DPP10: variants seen among roughly 807,000 people sequenced by gnomAD.
DPP10 encodes dipeptidyl peptidase like 10.
Under a neutral mutation model 120.9 loss-of-function variants are expected in DPP10, and 33 were observed. The ratio of observed to expected loss-of-function variants is 0.27; its 90% confidence interval spans 0.21 to 0.37. The LOEUF is 0.37. Among genes scored for constraint, DPP10 ranks in the 10% least tolerant of loss-of-function variants. The pLI is 1.00. For synonymous variants in DPP10, 337 were observed against 326.1 expected (o/e 1.03, Z -0.36); for missense variants, 816 against 942.8 (o/e 0.87, Z 1.76).
At chr2:115,715,813 A>G (rs966803792) in intron 7 of DPP10, among the ~76,000 whole-genome samples, 3 of 152,234 alleles carry the variant, frequency 2.0e-5, no homozygotes, top group Non-Finnish European at 4.4e-5. Flanking sequence ...ATATATTTAC[A>G]TGTTTCTTTA....
At chr2:115,137,810 T>C (rs2050726515) in intron 1 of DPP10, among the ~76,000 whole-genome samples, 1 of 152,180 alleles carries the variant, frequency 6.6e-6, no homozygotes, top group African/African-American at 2.4e-5. Flanking sequence ...AAGTACCTTC[T>C]AGGTACACCT....
At chr2:115,184,839 CTATTGTCAT>C (rs1423807675) in intron 1 of DPP10, among the ~76,000 whole-genome samples, 6 of 152,072 alleles carry the variant, frequency 3.9e-5, no homozygotes, top group African/African-American at 1.2e-4. Context: ...CTAGTAGAAG[CTATTGTCAT>C]CCTAAGTAAT....
intron 1 of DPP10, among the ~76,000 whole-genome samples, chr2:114,768,155 A>AG (rs1680909489): frequency 1.3e-5 from 2 of 149,962 alleles, no homozygotes; most frequent in Non-Finnish European, 3.0e-5. Context: ...AAGTTCTCAG[A>AG]GAAAAAAAAA....
At chr2:114,444,388 C>G (rs1326072029) in intron 1 of DPP10, among the ~76,000 whole-genome samples, 1 of 152,110 alleles carries the variant, frequency 6.6e-6, no homozygotes, top group Non-Finnish European at 1.5e-5. Context: ...CTGCCTACTG[C>G]TAAGTATGTC....
chr2:115,094,159 G>A (rs1207358067), intron 1 of DPP10, among the ~76,000 whole-genome samples: 1 of 152,068 alleles, frequency 6.6e-6, no homozygotes, highest in Non-Finnish European at 1.5e-5. Flanking sequence ...CATTCATATA[G>A]TAGGTTTAAT....
intron 3 of DPP10, among the ~76,000 whole-genome samples, chr2:115,380,389 G>A (rs970016452): frequency 1.3e-5 from 2 of 151,628 alleles, no homozygotes; most frequent in African/African-American, 4.8e-5. Flanking sequence ...GCCTTTTTTT[G>A]TTTTCCATTT....
chr2:114,682,213 T>C (rs1699070821), intron 1 of DPP10, among the ~76,000 whole-genome samples: 1 of 151,934 alleles, frequency 6.6e-6, no homozygotes, highest in African/African-American at 2.4e-5. Context: ...AGGGGAAGAC[T>C]CCTTCAGAAC....
intron 7 of DPP10, among the ~76,000 whole-genome samples, chr2:115,706,856 G>A (rs2092129863): frequency 6.6e-6 from 1 of 151,926 alleles, no homozygotes; most frequent in Non-Finnish European, 1.5e-5. Flanking sequence ...ACTCCCCAAA[G>A]GGAACTGTGG....
chr2:114,887,636 G>A (rs1017355319), intron 1 of DPP10, among the ~76,000 whole-genome samples: 1 of 152,152 alleles, frequency 6.6e-6, no homozygotes, highest in African/African-American at 2.4e-5. Flanking sequence ...GTATACTTCA[G>A]AGTCTTAGTA....
intron 1 of DPP10, among the ~76,000 whole-genome samples, chr2:114,842,260 C>G (rs150496794): frequency 6.6e-6 from 1 of 152,172 alleles, no homozygotes; most frequent in East Asian, 1.9e-4. Context: ...ATTTGGCATT[C>G]CTTACCAGAA....
chr2:114,710,525 A>G lies in DPP10; in HGVS notation c.60+267687A>G, dbSNP rs1012348645. Reference sequence around the variant, plus strand: ...TCTGGGAGGCCAAGGTGGGTGGATCACTTGAGGTCAGGAATTTGAGACCAG... The same window carrying G: ...TCTGGGAGGCCAAGGTGGGTGGATCGCTTGAGGTCAGGAATTTGAGACCAG... On this transcript the variant is annotated intron_variant, in intron 1 of 25. Transcript: ENST00000410059. 2.6e-5 allele frequency among the ~76,000 whole-genome samples: 4 copies of G among 152,180 alleles called. No individual in the cohort carries two copies. The East Asian group carries it at 5.8e-4, about 22-fold the overall frequency.
intron 1 of DPP10, among the ~76,000 whole-genome samples, chr2:114,786,382 A>G (rs1203564823): frequency 6.6e-6 from 1 of 152,230 alleles, no homozygotes; most frequent in Non-Finnish European, 1.5e-5. Context: ...AGAATAATGG[A>G]TGGAGAAACA....
chr2:115,561,358 CAAAAAAAAAAAAAAAAA>C (rs11421762), intron 5 of DPP10, among the ~76,000 whole-genome samples: 1 of 59,804 alleles, frequency 1.7e-5, no homozygotes, highest in African/African-American at 6.9e-5. Context: ...GACTCCATCA[CAAAAAAAAAAAAAAAAA>C]AAAAAAAAAG....
chr2:114,791,410 G>T (rs1269011351), intron 1 of DPP10, among the ~76,000 whole-genome samples: 2 of 152,162 alleles, frequency 1.3e-5, no homozygotes, highest in African/African-American at 4.8e-5. Flanking sequence ...ATAGTGCTTT[G>T]ATTAATTTCT....
chr2:114,732,107 C>T (rs754947777), intron 1 of DPP10, among the ~76,000 whole-genome samples: 1 of 152,142 alleles, frequency 6.6e-6, no homozygotes, highest in African/African-American at 2.4e-5. Context: ...ACAGTTAATG[C>T]TATATGTACT....
At chr2:115,555,931 TATTGGCAAGCAAATAG>T (rs889683211) in intron 5 of DPP10, among the ~76,000 whole-genome samples, 2 of 152,138 alleles carry the variant, frequency 1.3e-5, no homozygotes, top group Non-Finnish European at 2.9e-5. Flanking sequence ...CTAGCTTCTT[TATTGGCAAGCAAATAG>T]ATTGGCAAGC....
intron 1 of DPP10, among the ~76,000 whole-genome samples, chr2:115,006,437 G>C (rs1206828100): frequency 6.7e-6 from 1 of 150,078 alleles, no homozygotes; most frequent in Non-Finnish European, 1.5e-5. Flanking sequence ...TAGATAAAGA[G>C]TCAAGACCCA....
Position 115,164,904 on chromosome 2 carries a change from A to G in DPP10, c.61-144335A>G, listed in dbSNP as rs2052714968. On this transcript the variant is annotated intron_variant, in intron 1 of 25. Coordinates refer to ENST00000410059, the MANE Select transcript of DPP10 (RefSeq NM_020868.6). The stretch of plus-strand genomic sequence containing the variant: ...GTGTATTTTATGAATATTCTGAATC[A>G]TTGGAAATATTTTTATCATCTTAGT... Among the ~76,000 whole-genome samples, 3 of 152,034 alleles carry G rather than the reference A, an allele frequency of 2.0e-5. No individual in the cohort carries two copies. The South Asian group carries it at 6.2e-4, about 32-fold the overall frequency.
At chr2:114,499,959 T>A (rs915133901) in intron 1 of DPP10, among the ~76,000 whole-genome samples, 1 of 152,214 alleles carries the variant, frequency 6.6e-6, no homozygotes, top group African/African-American at 2.4e-5. Flanking sequence ...GAGCTAACTT[T>A]CACTCAGAAC....
Sources: allele counts gnomAD v4.1 joint callset (sites outside exome capture counted in the v4.1 genomes callset), GRCh38; gene constraint gnomAD v4.1.1; transcripts MANE v1.5; gene names NCBI Gene and HGNC (gene_info 2026-07-23, HGNC 2026-07-21).